Variants in NTRK3 observed in about 807,000 individuals in gnomAD.
NTRK3 encodes the protein NT-3 growth factor receptor.
NTRK3 carries 24 observed loss-of-function variants against 91.7 expected under a neutral mutation model. That is an observed-to-expected ratio of 0.26 (90% confidence interval 0.19 to 0.37). The LOEUF (loss-of-function observed/expected upper bound fraction) is 0.37, where lower values mean the gene tolerates loss of function less well. Among genes scored for constraint, NTRK3 ranks in the 10% least tolerant of loss-of-function variants. The pLI is 1.00. For synonymous variants in NTRK3, 483 were observed against 404.0 expected, an observed-to-expected ratio of 1.20 and a Z score of -2.34; for missense variants, 880 against 1,068.9, an observed-to-expected ratio of 0.82 and a Z score of 2.46.
intron 14 of NTRK3, chr15:87,977,401 C>T (rs1213490768): frequency 1.5e-5 from 3 of 203,038 alleles, no homozygotes; most frequent in African/African-American, 6.9e-5. Flanking sequence ...AGAAACTATA[C>T]ACTGAACACT....
In NTRK3 at chr15:88,240,052, A is replaced by G. The variant is rs2052181233; in HGVS notation, c.248+15854T>C. On this transcript the variant is annotated intron_variant, in intron 3 of 18. Transcript: ENST00000394480. This position sits in a 1 kb window ranked among gnomAD's most constrained non-coding sequence, Gnocchi z 4.9. ...CATATACACACACAGCGACACACAC[A>G]GACACACACACACACACACACAGGA... 6.6e-6 allele frequency among the ~76,000 whole-genome samples: 1 copy of G among 151,848 alleles called. No individual in the cohort carries two copies.
chr15:88,024,278 G>T (rs1234153313), intron 14 of NTRK3, among the ~76,000 whole-genome samples: 1 of 152,332 alleles, frequency 6.6e-6, no homozygotes, highest in African/African-American at 2.4e-5. Flanking sequence ...TTGCCTTGTG[G>T]GCTGATATGT....
chr15:88,061,367 A>G (rs1334461835), intron 13 of NTRK3, among the ~76,000 whole-genome samples: 1 of 152,220 alleles, frequency 6.6e-6, no homozygotes, highest in Non-Finnish European at 1.5e-5. Context: ...CCGCCACTAA[A>G]TGAATTGTCT....
intron 3 of NTRK3, among the ~76,000 whole-genome samples, chr15:88,194,823 G>A (rs924478655): frequency 2.0e-5 from 3 of 152,116 alleles, no homozygotes; most frequent in African/African-American, 4.8e-5. Context: ...CTCCTCAGCT[G>A]AAACCTCCCT....
chr15:88,087,604 A>C (rs774763088), intron 13 of NTRK3, among the ~76,000 whole-genome samples: 9 of 152,148 alleles, frequency 5.9e-5, no homozygotes, highest in Non-Finnish European at 1.2e-4. Context: ...TGGGTGAGAG[A>C]GCTGAAGGAG....
At chr15:88,012,127 C>T (rs1442547911) in intron 14 of NTRK3, among the ~76,000 whole-genome samples, 2 of 152,166 alleles carry the variant, frequency 1.3e-5, no homozygotes, top group Non-Finnish European at 2.9e-5. Flanking sequence ...AGAGAGCATG[C>T]ATTGTTCTTC....
chr15:87,973,238 G>A lies in NTRK3; in HGVS notation c.1586-32485C>T, dbSNP rs141154511. Among the ~76,000 whole-genome samples, 141 of 152,248 alleles carry A rather than the reference G, an allele frequency of 9.3e-4. 2 individuals carry two copies. In the East Asian group the frequency reaches 0.023, roughly 24 times the overall value. The stretch of plus-strand genomic sequence containing the variant: ...AGAGGGGTGTTAGACCTTATCACCC[G>A]TGCAGAAATCTCTTCCCTTATCAAG... On this transcript the variant is annotated intron_variant, in intron 14 of 18. Transcript: ENST00000394480.
chr15:88,131,893 C>A (rs566449932), intron 10 of NTRK3: 1 of 190,928 alleles, frequency 5.2e-6, no homozygotes, highest in Admixed American at 6.1e-5. Flanking sequence ...GTCCTCACCT[C>A]TGACTGCACC....
intron 15 of NTRK3, among the ~76,000 whole-genome samples, chr15:87,937,348 A>T (rs1386743864): frequency 1.3e-5 from 2 of 152,230 alleles, no homozygotes; most frequent in Non-Finnish European, 2.9e-5. Context: ...GGAAGCTAGG[A>T]TGAATGCTTT....
rs2054003729 is a variant in NTRK3, at chr15:88,255,853, A to G, written c.248+53T>C. 2 of 1,530,100 alleles carry G rather than the reference A, an allele frequency of 1.3e-6. No individual in the cohort carries two copies. Among genetic ancestry groups the G allele is most frequent in the South Asian group, 2.4e-5 (2 of 81,832 alleles). 94.8% of individuals were successfully genotyped at this position (1,530,100 alleles called of 1,614,324 possible). A position where few individuals can be genotyped will look rare whatever the true frequency, so the allele number is the denominator to read the frequency against. Reference sequence around the variant, plus strand: ...CGGCTCCCGGCCGCGGGTGGGCAGGAGGGAGACGCAGAGCGCGGGGGAGGC... The same window carrying G: ...CGGCTCCCGGCCGCGGGTGGGCAGGGGGGAGACGCAGAGCGCGGGGGAGGC... On this transcript the variant is annotated intron_variant, in intron 3 of 18. Transcript: ENST00000394480. The surrounding 1 kb of genome is among the most constrained non-coding windows in gnomAD (Gnocchi z 4.3).
chr15:88,051,884 T>C (rs1271616913), intron 13 of NTRK3, among the ~76,000 whole-genome samples: 1 of 152,224 alleles, frequency 6.6e-6, no homozygotes, highest in African/African-American at 2.4e-5. Context: ...CATTCCATGC[T>C]AGGGGATCAC....
At chr15:88,056,961 G>A (rs1347889118) in intron 13 of NTRK3, among the ~76,000 whole-genome samples, 1 of 151,824 alleles carries the variant, frequency 6.6e-6, no homozygotes, top group South Asian at 2.1e-4. Context: ...ACGAGGTCAG[G>A]AGATCGAGAC....
At chr15:88,041,183 T>G (rs988592757) in intron 13 of NTRK3, among the ~76,000 whole-genome samples, 3 of 152,166 alleles carry the variant, frequency 2.0e-5, no homozygotes, top group African/African-American at 7.2e-5. Flanking sequence ...CTGCCAAATA[T>G]TTTCAGGGTT....
chr15:88,224,549 T>C (rs2050516885), intron 3 of NTRK3, among the ~76,000 whole-genome samples: 1 of 152,244 alleles, frequency 6.6e-6, no homozygotes, highest in African/African-American at 2.4e-5. Flanking sequence ...AATTTGAATT[T>C]CAGATAAGCA....
chr15:88,166,049 T>A (rs2044907225), intron 5 of NTRK3, among the ~76,000 whole-genome samples: 1 of 152,212 alleles, frequency 6.6e-6, no homozygotes, highest in Non-Finnish European at 1.5e-5. Flanking sequence ...TTTGGCCCAC[T>A]TTATCTATTC....
At chr15:88,104,660 A>C (rs2050516857) in intron 13 of NTRK3, among the ~76,000 whole-genome samples, 1 of 152,186 alleles carries the variant, frequency 6.6e-6, no homozygotes, top group Non-Finnish European at 1.5e-5. Flanking sequence ...TCCTTTCTGC[A>C]GCCTGAGCCA....
intron 3 of NTRK3, among the ~76,000 whole-genome samples, chr15:88,236,798 T>C (rs1233246789): frequency 1.4e-5 from 2 of 144,652 alleles, no homozygotes; most frequent in South Asian, 2.2e-4. Flanking sequence ...AACACTACTC[T>C]CAAAAGTAGA....
intron 3 of NTRK3, among the ~76,000 whole-genome samples, chr15:88,201,564 C>T (rs1381375639): frequency 6.6e-6 from 1 of 152,176 alleles, no homozygotes; most frequent in African/African-American, 2.4e-5. Flanking sequence ...CTCGTACATG[C>T]TACAGGAGTG....
At chr15:87,903,184 A>G (rs574845960) in intron 17 of NTRK3, among the ~76,000 whole-genome samples, 1 of 152,406 alleles carries the variant, frequency 6.6e-6, no homozygotes, top group East Asian at 1.9e-4. Flanking sequence ...GGTGGGCACC[A>G]GTCTAGAAAT....
Sources: gnomAD v4.1 joint callset for allele counts (sites outside exome capture counted in the v4.1 genomes callset) on GRCh38, gnomAD v4.1.1 for gene constraint, Gnocchi (gnomAD v3.1) non-coding constraint, MANE v1.5 for transcripts, NCBI Gene and HGNC (gene_info 2026-07-23, HGNC 2026-07-21) for gene names.